Variants in UPRT observed in about 807,000 individuals in gnomAD.
UPRT encodes uracil phosphoribosyltransferase homolog, also known as RP11-311P8.3.
Under a neutral mutation model 22.6 loss-of-function variants are expected in UPRT, and 5 were observed. The observed-to-expected ratio is 0.22, with a 90% CI of 0.12 to 0.47. The LOEUF is 0.47. Ranked by LOEUF, UPRT falls within the 20% of genes least tolerant of loss-of-function variation. The pLI, the probability that UPRT is intolerant of heterozygous loss-of-function variation, is 0.99. For missense variants in UPRT, 181 were observed against 239.9 expected (o/e 0.75, Z 1.62); for synonymous variants, 77 against 87.7 (o/e 0.88, Z 0.68).
chrX:75,249,413 G>C lies in UPRT; in HGVS notation c.-446-41611G>C, dbSNP rs188414229. 8.3e-3 allele frequency among the ~76,000 whole-genome samples: 928 copies of C among 111,581 alleles called. 12 individuals are homozygous for C. The highest frequency in any genetic ancestry group is 0.028 in the African/African-American group (855 of 30,711). On this transcript the variant is annotated intron_variant, in intron 4 of 13. Coordinates refer to the UPRT transcript ENST00000652605. Reference sequence around the variant, plus strand: ...AAAAAAGTCAGTGGTTGCAATCCTAGTCTCTGATAAAACAGATTTTAAACC... The same window carrying C: ...AAAAAAGTCAGTGGTTGCAATCCTACTCTCTGATAAAACAGATTTTAAACC...
rs777534072 is a variant in UPRT, at chrX:75,163,061, C to A, written c.-614-71C>A. On this transcript the variant is annotated intron_variant, in intron 2 of 13. Coordinates refer to the UPRT transcript ENST00000652605. Reference sequence around the variant, plus strand: ...AAAATCAAGATATCAGCCAGGGCTGCAATCTCATCTGAGACTTGGGGTCCC... The same window carrying A: ...AAAATCAAGATATCAGCCAGGGCTGAAATCTCATCTGAGACTTGGGGTCCC... Among the ~76,000 whole-genome samples the A allele has an allele frequency of 2.7e-5, 3 of 112,151 alleles. No individual in the cohort carries two copies. The South Asian group carries it at 1.1e-3, about 42-fold the overall frequency.
In UPRT at chrX:75,276,902, C is replaced by T. The variant is rs1487211443; in HGVS notation, c.386+2262C>T. Among the ~76,000 whole-genome samples, 3 of 111,305 alleles carry T rather than the reference C, an allele frequency of 2.7e-5. No homozygotes were observed. The East Asian group carries it at 8.4e-4, about 31-fold the overall frequency. On this transcript the variant is annotated intron_variant, in intron 1 of 6. Transcript: ENST00000373383. ...CACTCCCCATTTTCACCCAACCCAC[C>T]CAAAGCCCTAGACAATCATTAATCT...
chrX:75,158,447 A>G (rs1023266683), intron 1 of UPRT, among the ~76,000 whole-genome samples: 13 of 112,222 alleles, frequency 1.2e-4, no homozygotes, highest in Non-Finnish European at 2.3e-4. Flanking sequence ...ACCTTATTTC[A>G]TTTAGTCCTC....
At chrX:75,262,624 A>T (rs2082572645) in intron 4 of UPRT, among the ~76,000 whole-genome samples, 1 of 110,874 alleles carries the variant, frequency 9.0e-6, no homozygotes, top group Non-Finnish European at 1.9e-5. Flanking sequence ...ACAAACAAAC[A>T]AACAAACAAA....
At chrX:75,232,384 G>C (rs2082441659) in intron 4 of UPRT, among the ~76,000 whole-genome samples, 2 of 112,671 alleles carry the variant, frequency 1.8e-5, no homozygotes, top group East Asian at 5.6e-4. Flanking sequence ...CCATTGCCCA[G>C]GCTTGCTTAG....
At chrX:75,225,566 C>T in intron 4 of UPRT, among the ~76,000 whole-genome samples, 1 of 111,745 alleles carries the variant, frequency 8.9e-6, no homozygotes, top group Admixed American at 9.5e-5. Context: ...CCTTGCTGAT[C>T]TGGGAGGAGG....
intron 4 of UPRT, among the ~76,000 whole-genome samples, chrX:75,231,485 C>G (rs187189370): frequency 5.4e-5 from 6 of 111,764 alleles, no homozygotes; most frequent in Non-Finnish European, 1.1e-4. Context: ...AATTGTTGTT[C>G]CTGAGGAAAA....
intron 1 of UPRT, chrX:75,285,559 C>T (rs1169581126): frequency 8.9e-6 from 1 of 111,982 alleles, no homozygotes; most frequent in African/African-American, 3.2e-5. Context: ...AACAGACCTT[C>T]AGATTCTTCA....
intron 4 of UPRT, among the ~76,000 whole-genome samples, chrX:75,195,533 G>A (rs1043950712): frequency 8.9e-6 from 1 of 112,081 alleles, no homozygotes; most frequent in Admixed American, 9.4e-5. Context: ...CCAGAGTTCT[G>A]CCCCTGCCAC....
Position 75,274,445 on chromosome X carries a change from T to C in UPRT, c.191T>C (p.Leu64Pro). The C allele has an allele frequency of 8.3e-7, 1 of 1,211,745 alleles. No individual in the cohort carries two copies. The highest frequency in any genetic ancestry group is 1.1e-6 in the Non-Finnish European group (1 of 895,524). ...GCCCATTCTAGCCTGCCGGCCGAGC[T>C]GGACTCTGGGGCCTGCGGCGGCTCC... is the stretch of plus-strand genomic sequence containing the variant. ...GYAHSSLPAE[L>P]DSGACGGSSL... is the part of the protein sequence containing the mutation. Residue 64 changes from leucine (L) to proline (P), a missense_variant, in exon 1 of 7, where the codon CTG (leucine) becomes CCG (proline). Physicochemically the swap from Leu to Pro is moderately conservative, Grantham distance 98. Transcript: ENST00000373383.
intron 4 of UPRT, among the ~76,000 whole-genome samples, chrX:75,190,747 C>A (rs974737051): frequency 5.4e-5 from 6 of 111,590 alleles, no homozygotes; most frequent in African/African-American, 2.0e-4. Context: ...ATCGCTGATA[C>A]CCTTTCTTCC....
chrX:75,219,186 G>A lies in UPRT; in HGVS notation c.-447+51307G>A, dbSNP rs750167583. Among the ~76,000 whole-genome samples, 69 of 111,847 alleles carry A rather than the reference G, an allele frequency of 6.2e-4. 1 individual carries two copies. Among genetic ancestry groups the A allele is most frequent in the Middle Eastern group, 9.5e-3 (2 of 211 alleles). On this transcript the variant is annotated intron_variant, in intron 4 of 13. Coordinates refer to the UPRT transcript ENST00000652605. Reference sequence around the variant, plus strand: ...CTCTGCCTAACAGCTCATTTCATTTGCCTCTGAATGGAGTTCAATTTAATT... The same window carrying A: ...CTCTGCCTAACAGCTCATTTCATTTACCTCTGAATGGAGTTCAATTTAATT...
intron 4 of UPRT, among the ~76,000 whole-genome samples, chrX:75,229,773 C>A (rs1346796048): frequency 2.7e-5 from 3 of 112,066 alleles, no homozygotes; most frequent in African/African-American, 9.7e-5. Context: ...CACAGAAGTC[C>A]TGGGGGAAGG....
rs369219154 is a variant in UPRT at position 75,172,264 on chromosome X, G to A, written c.-447+4385G>A. Among the ~76,000 whole-genome samples the A allele has an allele frequency of 5.4e-5, 6 of 111,302 alleles. No individual in the cohort carries two copies. In the South Asian group the frequency reaches 2.3e-3, roughly 43 times the overall value. On this transcript the variant is annotated intron_variant, in intron 4 of 13. Coordinates refer to the UPRT transcript ENST00000652605. ...TCTTTGGGCTGAGCTTGCTGAGGCT[G>A]CTGTGGGGGATAGGGGTGTGGTTCC...
At chrX:75,253,832 G>T (rs2082540259) in intron 4 of UPRT, among the ~76,000 whole-genome samples, 2 of 112,083 alleles carry the variant, frequency 1.8e-5, no homozygotes, top group East Asian at 5.6e-4. Flanking sequence ...GGTTATGGAA[G>T]ATTCTGACCT....
intron 4 of UPRT, among the ~76,000 whole-genome samples, chrX:75,178,639 G>A (rs1446345267): frequency 9.1e-6 from 1 of 110,362 alleles, no homozygotes; most frequent in Non-Finnish European, 1.9e-5. Context: ...TGAAGCTGCA[G>A]ACCTTCATGG....
At chrX:75,173,553 G>A (rs777818977) in intron 4 of UPRT, among the ~76,000 whole-genome samples, 79 of 112,638 alleles carry the variant, frequency 7.0e-4, no homozygotes, top group Admixed American at 1.1e-3. Context: ...ATCCTACACC[G>A]GGGCTGCAGG....
At position 75,214,204 on chromosome X, in the gene UPRT, A is replaced by G. The variant is rs148606380; in HGVS notation, c.-447+46325A>G. On this transcript the variant is annotated intron_variant, in intron 4 of 13. Transcript: ENST00000652605. ...CTGGAAAATCCCAAAATACTTGAAA[A>G]TCAAACAACAGACTTCTAAATAACA... is the stretch of plus-strand genomic sequence containing the variant. 3.1e-3 allele frequency among the ~76,000 whole-genome samples: 353 copies of G among 112,766 alleles called. 5 individuals carry two copies. Among genetic ancestry groups the G allele is most frequent in the Admixed American group, 0.028 (302 of 10,658 alleles).
upstream of UPRT, among the ~76,000 whole-genome samples, chrX:75,270,578 A>T: frequency 8.9e-6 from 1 of 112,025 alleles, no homozygotes; most frequent in Non-Finnish European, 1.9e-5. Context: ...TGCAGCTATA[A>T]AAACAGGATG....
Sources: gnomAD v4.1 joint callset for allele counts (sites outside exome capture counted in the v4.1 genomes callset) on GRCh38, gnomAD v4.1.1 for gene constraint, MANE v1.5 for transcripts, NCBI Gene and HGNC (gene_info 2026-07-23, HGNC 2026-07-21) for gene names.